Variants in NFIB observed in about 807,000 individuals in gnomAD.
NFIB encodes nuclear factor 1 B-type.
A neutral mutation model predicts 61.5 loss-of-function variants in NFIB; 11 were observed. The ratio of observed to expected loss-of-function variants is 0.18; its 90% CI spans 0.11 to 0.30. NFIB has a LOEUF of 0.30. NFIB is among the 10% of genes least tolerant of loss of function. The pLI, the probability that NFIB is intolerant of heterozygous loss-of-function variation, is 1.00. For synonymous variants in NFIB, 260 were observed against 216.5 expected (o/e 1.20, Z -1.76); for missense variants, 471 against 608.9 (o/e 0.77, Z 2.38).
chr9:14,466,450 T>C, the NFIB span, among the ~76,000 whole-genome samples: 702 of 152,202 alleles, frequency 4.6e-3, 9 homozygotes, highest in African/African-American at 0.016. Context: ...GATCGCACCA[T>C]CCTCTGGGCT....
chr9:14,321,038 T>C (rs950440694), intron 1 of NFIB, among the ~76,000 whole-genome samples: 1 of 152,140 alleles, frequency 6.6e-6, no homozygotes, highest in Non-Finnish European at 1.5e-5. Flanking sequence ...ACAGCCCTAA[T>C]AATAATTCTG....
At chr9:14,131,484 G>C (rs1446337230) in intron 6 of NFIB, among the ~76,000 whole-genome samples, 2 of 152,146 alleles carry the variant, frequency 1.3e-5, no homozygotes, top group Non-Finnish European at 2.9e-5. Flanking sequence ...CTCCCAACAA[G>C]GTAATTTCAT....
At chr9:14,414,440 A>G in the NFIB span, among the ~76,000 whole-genome samples, 3 of 150,526 alleles carry the variant, frequency 2.0e-5, no homozygotes, top group African/African-American at 7.3e-5. Flanking sequence ...TCAAAAAAAA[A>G]AAAAAAAAAA....
At chr9:14,217,177 C>T (rs1375202943) in intron 2 of NFIB, among the ~76,000 whole-genome samples, 1 of 152,094 alleles carries the variant, frequency 6.6e-6, no homozygotes, top group Non-Finnish European at 1.5e-5. Context: ...TCTAAAGCTT[C>T]CAGATAATAA....
intron 6 of NFIB, 95 bp from the exon 7 acceptor site, chr9:14,125,861 G>A: frequency 6.7e-7 from 1 of 1,500,938 alleles, no homozygotes; most frequent in Non-Finnish European, 8.9e-7. Context: ...CAACATTTTA[G>A]TATTCTTATA....
chr9:14,418,480 A>G, the NFIB span, among the ~76,000 whole-genome samples: 15 of 152,168 alleles, frequency 9.9e-5, no homozygotes, highest in Admixed American at 2.0e-4. Context: ...CCACAACAAT[A>G]TATCTGCTGC....
intron 1 of NFIB, among the ~76,000 whole-genome samples, chr9:14,385,875 C>T (rs527786304): frequency 1.3e-5 from 2 of 151,864 alleles, no homozygotes; most frequent in East Asian, 1.9e-4. Flanking sequence ...CTCCATTTCC[C>T]GGGTTCAAGT....
chr9:14,462,364 G>A, the NFIB span, among the ~76,000 whole-genome samples: 1 of 151,252 alleles, frequency 6.6e-6, no homozygotes, highest in Non-Finnish European at 1.5e-5. Flanking sequence ...CTCACTGCAA[G>A]CTCCGCCTCC....
chr9:14,098,985 G>C (rs1319341016), intron 10 of NFIB, among the ~76,000 whole-genome samples: 1 of 152,146 alleles, frequency 6.6e-6, no homozygotes, highest in Non-Finnish European at 1.5e-5. Flanking sequence ...TTCCAGCTTT[G>C]ATTATACTTG....
At chr9:14,399,223 A>T (rs1048479934), upstream of NFIB, among the ~76,000 whole-genome samples, 2 of 152,370 alleles carry the variant, frequency 1.3e-5, no homozygotes, top group Non-Finnish European at 2.9e-5. Context: ...CAGAAAATTT[A>T]AAATTACAAG....
chr9:14,285,787 C>T (rs1025098271), intron 2 of NFIB, among the ~76,000 whole-genome samples: 2 of 152,126 alleles, frequency 1.3e-5, no homozygotes, highest in Non-Finnish European at 2.9e-5. Flanking sequence ...TGGAAAAGCA[C>T]CACAGCTAGA....
chr9:14,401,344 A>G (rs1025420740), upstream of NFIB, among the ~76,000 whole-genome samples: 2 of 152,122 alleles, frequency 1.3e-5, no homozygotes, highest in African/African-American at 2.4e-5. Context: ...TGGCACAGAC[A>G]CTGGGTTTGT....
At position 14,331,527 on chromosome 9, in the gene NFIB, A is replaced by G. The variant is rs752288055; in HGVS notation, c.109-24007T>C. Reference sequence around the variant, plus strand: ...TTTTGGATATAGCCAGGATTCATTCAATACCCTGTGGGGATTAAAGAACTT... The same window carrying G: ...TTTTGGATATAGCCAGGATTCATTCGATACCCTGTGGGGATTAAAGAACTT... On this transcript the variant is annotated intron_variant, in intron 1 of 8. Transcript: ENST00000380934. Among the ~76,000 whole-genome samples, 41 of 152,254 alleles carry G rather than the reference A, an allele frequency of 2.7e-4. 1 individual carries two copies. Among genetic ancestry groups the G allele is most frequent in the Non-Finnish European group, 1.5e-4 (10 of 68,044 alleles).
chr9:14,442,095 G>A, the NFIB span, among the ~76,000 whole-genome samples: 1 of 152,174 alleles, frequency 6.6e-6, no homozygotes, highest in Admixed American at 6.5e-5. Context: ...GAAGGAGCTT[G>A]CTCAGGATCA....
At chr9:14,146,618 G>A in intron 6 of NFIB, 71 bp downstream of exon 6, 5 of 1,602,074 alleles carry the variant, frequency 3.1e-6, no homozygotes, top group Non-Finnish European at 4.3e-6. Context: ...ATGAAATTTT[G>A]ACTCAACGAA....
chr9:14,096,105 A>C (rs2034744609), intron 10 of NFIB, among the ~76,000 whole-genome samples: 1 of 152,186 alleles, frequency 6.6e-6, no homozygotes, highest in African/African-American at 2.4e-5. Flanking sequence ...AGAACCAAAA[A>C]GGTAAGCTAA....
chr9:14,220,842 TACACACAC>T (rs138623129), intron 2 of NFIB, among the ~76,000 whole-genome samples: 2,515 of 123,050 alleles, frequency 0.02, 77 homozygotes, highest in African/African-American at 0.065. Context: ...TCAATCTCCC[TACACACAC>T]ACACACACAC....
chr9:14,519,692 G>A, the NFIB span, among the ~76,000 whole-genome samples: 1 of 152,146 alleles, frequency 6.6e-6, no homozygotes, highest in Non-Finnish European at 1.5e-5. Context: ...TGGCAAAATG[G>A]TTTATGAATA....
chr9:14,131,855 C>T (rs1299012379), intron 6 of NFIB, among the ~76,000 whole-genome samples: 1 of 152,132 alleles, frequency 6.6e-6, no homozygotes, highest in African/African-American at 2.4e-5. Flanking sequence ...AGTAGAACTT[C>T]ATTGAAGTCA....
Sources: gnomAD v4.1 joint callset for allele counts (sites outside exome capture counted in the v4.1 genomes callset) on GRCh38, gnomAD v4.1.1 for gene constraint, MANE v1.5 for transcripts, NCBI Gene and HGNC (gene_info 2026-07-23, HGNC 2026-07-21) for gene names.